The following INPP4B variants were observed in gnomAD, a reference collection of about 807,000 sequenced individuals.
The protein encoded by INPP4B is inositol polyphosphate-4-phosphatase type II B, also known as inositol polyphosphate 4-phosphatase type II.
In INPP4B, 55 loss-of-function variants were observed where a neutral mutation model predicts 122.5. The observed-to-expected ratio is 0.45, with a 90% CI of 0.36 to 0.56. The LOEUF is 0.56. Among genes scored for constraint, INPP4B ranks in the 20% least tolerant of loss-of-function variants. INPP4B has a pLI of 0.00. For missense variants in INPP4B, 1,000 were observed against 1,097.7 expected (o/e 0.91, Z 1.26); for synonymous variants, 403 against 388.7 (o/e 1.04, Z -0.43).
At chr4:142,381,639 T>C (rs987802804) in intron 7 of INPP4B, among the ~76,000 whole-genome samples, 2 of 152,288 alleles carry the variant, frequency 1.3e-5, no homozygotes, top group African/African-American at 4.8e-5. Context: ...ATTGTACAAA[T>C]AGTCTTTCAG....
chr4:142,839,897 A>G (rs1267503955), intron 1 of INPP4B, among the ~76,000 whole-genome samples: 2 of 152,226 alleles, frequency 1.3e-5, no homozygotes, highest in Non-Finnish European at 2.9e-5. Context: ...CCATTCTTAC[A>G]ATAGCCACAT....
intron 2 of INPP4B, among the ~76,000 whole-genome samples, chr4:142,578,259 G>A (rs1430016380): frequency 1.3e-5 from 2 of 151,922 alleles, no homozygotes; most frequent in Non-Finnish European, 2.9e-5. Flanking sequence ...CACACGCTGT[G>A]GTCTTTCTTC....
intron 1 of INPP4B, chr4:142,795,392 A>C (rs1177813340): frequency 6.6e-6 from 1 of 151,980 alleles, no homozygotes; most frequent in African/African-American, 2.4e-5. Flanking sequence ...TCTTAACCTG[A>C]GTGGTGGGTG....
intron 14 of INPP4B, 45 bp downstream of exon 14, chr4:142,208,376 TACAC>T: frequency 1.1e-6 from 1 of 935,120 alleles, no homozygotes; most frequent in Non-Finnish European, 1.7e-6. Flanking sequence ...TTTACAGAAG[TACAC>T]ACTGTAACAT....
intron 21 of INPP4B, among the ~76,000 whole-genome samples, chr4:142,116,440 A>G (rs1490304929): frequency 6.6e-6 from 1 of 152,188 alleles, no homozygotes; most frequent in Non-Finnish European, 1.5e-5. Context: ...AATGTAAAAG[A>G]ACAGAAATTA....
chr4:142,803,763 G>A (rs762561632), intron 1 of INPP4B, among the ~76,000 whole-genome samples: 4 of 151,666 alleles, frequency 2.6e-5, no homozygotes, highest in Admixed American at 6.6e-5. Flanking sequence ...AAACCATCCA[G>A]ACCAATTTCA....
chr4:142,569,989 A>C (rs531217056), intron 2 of INPP4B, among the ~76,000 whole-genome samples: 24 of 152,256 alleles, frequency 1.6e-4, no homozygotes, highest in African/African-American at 5.8e-4. Context: ...TTAGTTGAGT[A>C]GCTAGGTGCA....
rs183670262 is a variant in INPP4B at position 142,296,297 on chromosome 4, A to T, written c.503+9161T>A. Among the ~76,000 whole-genome samples the T allele has an allele frequency of 2.6e-3, 402 of 152,326 alleles. 2 individuals carry two copies. The highest frequency in any genetic ancestry group is 9.0e-3 in the African/African-American group (373 of 41,578). On this transcript the variant is annotated intron_variant, in intron 9 of 25. Coordinates refer to ENST00000262992, the MANE Select transcript of INPP4B (RefSeq NM_001101669.3). ...AATGGATTAGGAACATAAAAAAAAT[A>T]CAGAATATATAACTGCAGAGCCATT...
chr4:142,486,088 G>A (rs1007263521), intron 2 of INPP4B, among the ~76,000 whole-genome samples: 1 of 152,136 alleles, frequency 6.6e-6, no homozygotes, highest in Non-Finnish European at 1.5e-5. Flanking sequence ...CGATTCACAA[G>A]AGGAAAGGAT....
At chr4:142,124,086 G>A (rs2152757045) in intron 19 of INPP4B, among the ~76,000 whole-genome samples, 1 of 152,180 alleles carries the variant, frequency 6.6e-6, no homozygotes, top group Non-Finnish European at 1.5e-5. Flanking sequence ...GGCAAGGAAG[G>A]TGGCCCTGTC....
At chr4:142,739,614 A>T (rs1448273144) in intron 1 of INPP4B, among the ~76,000 whole-genome samples, 1 of 152,012 alleles carries the variant, frequency 6.6e-6, no homozygotes, top group Middle Eastern at 3.2e-3. Context: ...AGAAAGACAG[A>T]AGCACCCCAC....
chr4:142,598,659 C>A (rs1483173798), intron 2 of INPP4B, among the ~76,000 whole-genome samples: 1 of 152,152 alleles, frequency 6.6e-6, no homozygotes, highest in Non-Finnish European at 1.5e-5. Context: ...AACCAAAGCA[C>A]ATGTTTCTAG....
rs1305920486 is a variant in INPP4B, at chr4:142,714,742, T to C, written c.-191+11097A>G. 3.3e-5 allele frequency among the ~76,000 whole-genome samples: 5 copies of C among 152,226 alleles called. No individual in the cohort carries two copies. In the South Asian group the frequency reaches 8.3e-4, roughly 25 times the overall value. ...CTCTTTTTCTCTTTTAAGGGAGTAA[T>C]ATCCACTCCACAGCCAGAGTTCACT... On this transcript the variant is annotated intron_variant, in intron 2 of 25. Transcript: ENST00000262992.
intron 1 of INPP4B, among the ~76,000 whole-genome samples, chr4:142,774,021 G>T (rs1272033075): frequency 1.3e-5 from 2 of 152,026 alleles, no homozygotes; most frequent in African/African-American, 4.8e-5. Flanking sequence ...TCTTAATTTT[G>T]TTGCCTTTAA....
chr4:142,820,218 T>C (rs1314242846), intron 1 of INPP4B, among the ~76,000 whole-genome samples: 4 of 152,184 alleles, frequency 2.6e-5, no homozygotes, highest in African/African-American at 9.6e-5. Flanking sequence ...ATGTTAGAGA[T>C]GGGACCTGAT....
At chr4:142,721,937 C>A (rs976455562) in intron 2 of INPP4B, among the ~76,000 whole-genome samples, 2 of 152,078 alleles carry the variant, frequency 1.3e-5, no homozygotes, top group Non-Finnish European at 2.9e-5. Flanking sequence ...TTTAAATATA[C>A]CTTCAATGGA....
chr4:142,495,548 C>T (rs1287907880), intron 2 of INPP4B, among the ~76,000 whole-genome samples: 3 of 151,746 alleles, frequency 2.0e-5, no homozygotes, highest in Non-Finnish European at 2.9e-5. Context: ...TTTCTCTGTC[C>T]TCTGGTAGCC....
At chr4:142,382,855 T>C (rs891640137) in intron 7 of INPP4B, among the ~76,000 whole-genome samples, 1 of 151,528 alleles carries the variant, frequency 6.6e-6, no homozygotes, top group African/African-American at 2.4e-5. Context: ...TTTCTCATCG[T>C]CTTTCCTACA....
intron 2 of INPP4B, among the ~76,000 whole-genome samples, chr4:142,581,105 G>T (rs1167199787): frequency 6.6e-6 from 1 of 151,850 alleles, no homozygotes; most frequent in Non-Finnish European, 1.5e-5. Flanking sequence ...GTCATTATTT[G>T]GGGGTATAAA....
Sources: allele counts gnomAD v4.1 joint callset (sites outside exome capture counted in the v4.1 genomes callset), GRCh38; gene constraint gnomAD v4.1.1; transcripts MANE v1.5; gene names NCBI Gene and HGNC (gene_info 2026-07-23, HGNC 2026-07-21).